The following BRAF variants were observed in gnomAD, a reference collection of about 807,000 sequenced individuals.
BRAF encodes serine/threonine-protein kinase B-raf.
BRAF carries 16 observed loss-of-function variants against 104.6 expected under a neutral mutation model. The observed-to-expected ratio is 0.15, with a 90% confidence interval of 0.10 to 0.23. The LOEUF (loss-of-function observed/expected upper bound fraction) is 0.23. Ranked by LOEUF, BRAF falls within the 10% of genes least tolerant of loss-of-function variation. The pLI is 1.00. For synonymous variants in BRAF, 310 were observed against 341.6 expected, an observed-to-expected ratio of 0.91 and a Z score of 1.02; for missense variants, 541 against 937.3, an observed-to-expected ratio of 0.58 and a Z score of 5.52.
chr7:140,818,067 C>T (rs1261858141), intron 3 of BRAF, among the ~76,000 whole-genome samples: 2 of 151,630 alleles, frequency 1.3e-5, no homozygotes, highest in African/African-American at 4.9e-5. Context: ...TATGGCTACA[C>T]ATATATATAA....
chr7:140,807,184 C>T (rs1164746718), intron 5 of BRAF, among the ~76,000 whole-genome samples: 1 of 152,058 alleles, frequency 6.6e-6, no homozygotes, highest in Non-Finnish European at 1.5e-5. Flanking sequence ...ATGCAAAAAC[C>T]AGACAAAGAA....
chr7:140,773,542 G>A (rs1800043381), intron 14 of BRAF: 1 of 152,026 alleles, frequency 6.6e-6, no homozygotes, highest in African/African-American at 2.4e-5. Context: ...AGATATACAT[G>A]TCCTAGACAT....
At chr7:140,900,638 T>TCAAG (rs1271329261) in intron 1 of BRAF, among the ~76,000 whole-genome samples, 1 of 152,208 alleles carries the variant, frequency 6.6e-6, no homozygotes, top group East Asian at 1.9e-4. Flanking sequence ...TAAGACTGAG[T>TCAAG]CTTGCTCTGT....
In BRAF at chr7:140,726,605, AG is replaced by A. The variant is rs563122030; in HGVS notation, c.2402-90del. 4.6e-4 allele frequency: 518 copies of A among 1,138,084 alleles called. 3 individuals are homozygous for A. In the African/African-American group the frequency reaches 4.9e-3, roughly 11 times the overall value. 70.5% of individuals were successfully genotyped at this position (1,138,084 alleles called of 1,614,324 possible). Reference sequence around the variant, plus strand: ...AAGCCTCATTTGAGCTTCACTGAAAAGTAACTAGTTATATATTTCAAGTCTA... The same window carrying A: ...AAGCCTCATTTGAGCTTCACTGAAAATAACTAGTTATATATTTCAAGTCTA... On this transcript the variant is annotated intron_variant, in intron 19 of 19. Coordinates refer to ENST00000644969, the MANE Select transcript of BRAF (RefSeq NM_001374258.1).
Position 140,723,532 on chromosome 7 carries a change from T to G in BRAF, c.*2962A>C. 1 of 1,051,590 alleles carries G rather than the reference T, an allele frequency of 9.5e-7. No homozygotes were observed. The highest frequency in any genetic ancestry group is 1.1e-6 in the Non-Finnish European group (1 of 870,846). 65.1% of individuals were successfully genotyped at this position (1,051,590 alleles called of 1,614,324 possible). ...GCACATTAACAACAAATGATCACAC[T>G]GAATTTTCTATTCACAAATCCCTTT... On this transcript the variant is annotated 3_prime_UTR_variant, in exon 20 of 20. Coordinates refer to ENST00000644969, the MANE Select transcript of BRAF (RefSeq NM_001374258.1).
At chr7:140,921,358 C>A (rs887416345) in intron 1 of BRAF, among the ~76,000 whole-genome samples, 1 of 152,070 alleles carries the variant, frequency 6.6e-6, no homozygotes, top group African/African-American at 2.4e-5. Context: ...AAGCACTAAT[C>A]ATTTACCAGA....
rs375737303 is a variant in BRAF, at chr7:140,848,647, T to C, written c.240+1464A>G. ...GGAAGAAAAACTGCTGGTTATATTG[T>C]CTAATTCTGATTAATAAAAAATTGC... On this transcript the variant is annotated intron_variant, in intron 2 of 19. Coordinates refer to ENST00000644969, the MANE Select transcript of BRAF (RefSeq NM_001374258.1). Among the ~76,000 whole-genome samples the C allele has an allele frequency of 5.8e-4, 88 of 152,338 alleles. 1 individual carries two copies. The highest frequency in any genetic ancestry group is 2.0e-3 in the African/African-American group (82 of 41,584).
chr7:140,872,222 A>G (rs990542925), intron 1 of BRAF, among the ~76,000 whole-genome samples: 2 of 152,012 alleles, frequency 1.3e-5, no homozygotes, highest in Admixed American at 1.3e-4. Context: ...TCTCAAAATA[A>G]ATAAATAAAT....
intron 3 of BRAF, among the ~76,000 whole-genome samples, chr7:140,812,929 T>C (rs959517551): frequency 2.7e-5 from 4 of 150,540 alleles, no homozygotes; most frequent in Admixed American, 2.6e-4. Context: ...GGAAGGAGAG[T>C]GAAACAAACC....
chr7:140,723,809 TAC>T lies in BRAF; in HGVS notation c.*2683_*2684del. 2 of 1,047,408 alleles carry T rather than the reference TAC, an allele frequency of 1.9e-6. No individual in the cohort carries two copies. The highest frequency in any genetic ancestry group is 2.3e-6 in the Non-Finnish European group (2 of 868,034). 64.9% of individuals were successfully genotyped at this position (1,047,408 alleles called of 1,614,324 possible). On this transcript the variant is annotated 3_prime_UTR_variant, in exon 20 of 20. Transcript: ENST00000644969. Reference sequence around the variant, plus strand: ...CAGTGACGCAGCCACATACTGTCTATACAATTACTCATAAAGTGCTTTTCACA... The same window carrying T: ...CAGTGACGCAGCCACATACTGTCTATAATTACTCATAAAGTGCTTTTCACA...
At chr7:140,806,851 G>C (rs1803704675) in intron 5 of BRAF, among the ~76,000 whole-genome samples, 1 of 152,138 alleles carries the variant, frequency 6.6e-6, no homozygotes, top group South Asian at 2.1e-4. Context: ...ATGGAGGCTT[G>C]AAAGCATAAA....
intron 14 of BRAF, among the ~76,000 whole-genome samples, chr7:140,769,079 A>G (rs1417273868): frequency 6.8e-6 from 1 of 147,886 alleles, no homozygotes; most frequent in African/African-American, 2.6e-5. Flanking sequence ...AAACACCTCC[A>G]GTCTTTTTTT....
chr7:140,774,466 T>G (rs1042181849), intron 14 of BRAF, among the ~76,000 whole-genome samples: 19 of 152,214 alleles, frequency 1.2e-4, no homozygotes, highest in African/African-American at 4.3e-4. Context: ...CTTGTCTTAA[T>G]CCACCCACCT....
At position 140,906,087 on chromosome 7, in the gene BRAF, C is replaced by CAAAAAA. The variant is rs61150735; in HGVS notation, c.138+18473_138+18478dup. On this transcript the variant is annotated intron_variant, in intron 1 of 19. Transcript: ENST00000644969. The stretch of plus-strand genomic sequence containing the variant: ...TGGGCAACAGAGCGAGACTCCGTCT[C>CAAAAAA]AAAAAAAAAAAAAAAAAAAAAGAAA... Among the ~76,000 whole-genome samples, 11 of 44,706 alleles carry CAAAAAA rather than the reference C, an allele frequency of 2.5e-4. 2 individuals carry two copies. Among genetic ancestry groups the CAAAAAA allele is most frequent in the African/African-American group, 7.1e-4 (7 of 9,898 alleles). 29.3% of individuals were successfully genotyped at this position (44,706 alleles called of 152,430 possible).
Position 140,725,113 on chromosome 7 carries a change from G to A in BRAF, c.*1381C>T, listed in dbSNP as rs1795528126. The A allele has an allele frequency of 1.9e-6, 2 of 1,042,764 alleles. No individual in the cohort carries two copies. Among genetic ancestry groups the A allele is most frequent in the Non-Finnish European group, 2.3e-6 (2 of 865,112 alleles). 64.6% of individuals were successfully genotyped at this position (1,042,764 alleles called of 1,614,324 possible). A position where few individuals can be genotyped will look rare whatever the true frequency, so the allele number is the denominator to read the frequency against. On this transcript the variant is annotated 3_prime_UTR_variant, in exon 20 of 20. Transcript: ENST00000644969. ...AATTGCCCAACCTTTTGAAGACCAG[G>A]CTTGGGAAAAAAGGAAGAAGGAGAA...
At chr7:140,869,580 C>A (rs2129091151) in intron 1 of BRAF, among the ~76,000 whole-genome samples, 1 of 151,860 alleles carries the variant, frequency 6.6e-6, no homozygotes, top group South Asian at 2.1e-4. Context: ...TTGCGGTGAG[C>A]CGAAATCACG....
chr7:140,766,173 A>C (rs1300400733), intron 14 of BRAF, among the ~76,000 whole-genome samples: 3 of 152,162 alleles, frequency 2.0e-5, no homozygotes, highest in Admixed American at 1.3e-4. Context: ...CATCATTCTC[A>C]GTAAACTATC....
chr7:140,801,859 A>AAGGAGG (rs1374269661), intron 5 of BRAF, among the ~76,000 whole-genome samples: 1 of 152,198 alleles, frequency 6.6e-6, no homozygotes, highest in African/African-American at 2.4e-5. Context: ...TAGACATGAA[A>AAGGAGG]AGGAGGAGGA....
intron 12 of BRAF, chr7:140,781,226 C>T (rs928622970): frequency 1.0e-4 from 30 of 295,434 alleles, no homozygotes; most frequent in Middle Eastern, 2.5e-3. Flanking sequence ...CCACTGCGCC[C>T]AGCCATTAAG....
Sources: gnomAD v4.1 joint callset for allele counts (sites outside exome capture counted in the v4.1 genomes callset) on GRCh38, gnomAD v4.1.1 for gene constraint, MANE v1.5 for transcripts, NCBI Gene and HGNC (gene_info 2026-07-23, HGNC 2026-07-21) for gene names.